ADK: variants seen among roughly 807,000 people sequenced by gnomAD.
ADK encodes the protein N6,N6-dimethyladenosine kinase.
In ADK, 24 loss-of-function variants were observed where a neutral mutation model predicts 44.7. The ratio of observed to expected loss-of-function variants is 0.54; its 90% CI spans 0.39 to 0.76. The LOEUF is 0.76. Among genes scored for constraint, ADK ranks in the 30% least tolerant of loss-of-function variants. The pLI is 0.00. For synonymous variants in ADK, 128 were observed against 142.6 expected, an observed-to-expected ratio of 0.90 and a Z score of 0.73; for missense variants, 321 against 425.1, an observed-to-expected ratio of 0.76 and a Z score of 2.15.
intron 4 of ADK, among the ~76,000 whole-genome samples, chr10:74,392,862 C>T (rs996193528): frequency 1.3e-5 from 2 of 151,920 alleles, no homozygotes; most frequent in African/African-American, 2.4e-5. Context: ...AGGAGTGTTC[C>T]ACAGAGCTTT....
intron 1 of ADK, among the ~76,000 whole-genome samples, chr10:74,168,136 G>T (rs908095703): frequency 6.6e-6 from 1 of 152,170 alleles, no homozygotes; most frequent in Non-Finnish European, 1.5e-5. Flanking sequence ...TCCTTAGAAT[G>T]TAAGTTCTAA....
At chr10:74,177,922 A>ATT (rs1466884182) in intron 1 of ADK, among the ~76,000 whole-genome samples, 15 of 91,262 alleles carry the variant, frequency 1.6e-4, no homozygotes, top group African/African-American at 3.7e-4. Context: ...AAATTGCATA[A>ATT]TTATATATAT....
chr10:74,694,094 A>G (rs779199546), intron 10 of ADK, among the ~76,000 whole-genome samples: 1 of 152,000 alleles, frequency 6.6e-6, no homozygotes, highest in African/African-American at 2.4e-5. Flanking sequence ...CATAAGAAAA[A>G]CAAACAGGAA....
intron 3 of ADK, among the ~76,000 whole-genome samples, chr10:74,252,180 T>G (rs1197674252): frequency 1.3e-5 from 2 of 152,102 alleles, no homozygotes; most frequent in East Asian, 1.9e-4. Context: ...TTGGAATTAT[T>G]TGGGGCCTAG....
chr10:74,224,235 C>T (rs889704076), intron 2 of ADK, among the ~76,000 whole-genome samples: 9 of 152,130 alleles, frequency 5.9e-5, no homozygotes, highest in Admixed American at 5.2e-4. Context: ...AAATACTTAA[C>T]GTTGTAGTTG....
intron 9 of ADK, among the ~76,000 whole-genome samples, chr10:74,646,005 G>C (rs1402208847): frequency 9.9e-5 from 15 of 152,142 alleles, no homozygotes; most frequent in Non-Finnish European, 2.9e-5. Context: ...ACAGAGGATA[G>C]AATGGAAGGC....
At chr10:74,351,916 G>C (rs1841975146) in intron 4 of ADK, among the ~76,000 whole-genome samples, 1 of 152,000 alleles carries the variant, frequency 6.6e-6, no homozygotes, top group African/African-American at 2.4e-5. Flanking sequence ...AAATAAGAGA[G>C]GATGCAAACA....
At chr10:74,573,535 G>A (rs967925802) in intron 7 of ADK, among the ~76,000 whole-genome samples, 9 of 152,204 alleles carry the variant, frequency 5.9e-5, no homozygotes, top group African/African-American at 2.2e-4. Flanking sequence ...TCTCTTCAAA[G>A]CTGTCAGATA....
At chr10:74,337,094 A>G (rs949148109) in intron 4 of ADK, among the ~76,000 whole-genome samples, 5 of 152,202 alleles carry the variant, frequency 3.3e-5, no homozygotes, top group East Asian at 3.8e-4. Flanking sequence ...TTTAACATAC[A>G]TAAGTTTTCC....
rs1017720733 is a variant in ADK at position 74,220,859 on chromosome 10, G to A, written c.141-3679G>A. ...AATTCTCAATAAATTAGGTATTGAT[G>A]GGACATATCTCAAAATAATAAGAGC... On this transcript the variant is annotated intron_variant, in intron 2 of 10. Coordinates refer to ENST00000539909, the MANE Select transcript of ADK (RefSeq NM_006721.4). Among the ~76,000 whole-genome samples the A allele has an allele frequency of 7.0e-4, 107 of 152,090 alleles. No homozygotes were observed. In the Middle Eastern group the frequency reaches 0.01, roughly 15 times the overall value.
chr10:74,519,139 A>G (rs920967500), intron 6 of ADK, among the ~76,000 whole-genome samples: 1 of 152,000 alleles, frequency 6.6e-6, no homozygotes, highest in Non-Finnish European at 1.5e-5. Flanking sequence ...CGTATTAGAC[A>G]TAAAAATTAT....
At chr10:74,524,333 T>C (rs553001890) in intron 6 of ADK, among the ~76,000 whole-genome samples, 1 of 152,380 alleles carries the variant, frequency 6.6e-6, no homozygotes, top group South Asian at 2.1e-4. Context: ...TTGAAAATTC[T>C]AATTCAGAAT....
At chr10:74,319,224 A>G (rs1840731364) in intron 4 of ADK, among the ~76,000 whole-genome samples, 1 of 152,216 alleles carries the variant, frequency 6.6e-6, no homozygotes, top group Non-Finnish European at 1.5e-5. Context: ...ATGATTTTGA[A>G]TAAGTTCAAT....
intron 6 of ADK, among the ~76,000 whole-genome samples, chr10:74,510,746 C>T (rs1848278074): frequency 6.6e-6 from 1 of 152,130 alleles, no homozygotes; most frequent in Non-Finnish European, 1.5e-5. Context: ...CTTGCTGTGT[C>T]ACCCAGGCTG....
chr10:74,598,441 CTTTTTTTTTTTTTT>C (rs915433699), intron 8 of ADK, among the ~76,000 whole-genome samples: 2 of 111,772 alleles, frequency 1.8e-5, no homozygotes, highest in Admixed American at 9.0e-5. Context: ...AATCTTATTC[CTTTTTTTTTTTTTT>C]TTTTTTTTTT....
intron 6 of ADK, among the ~76,000 whole-genome samples, chr10:74,474,402 C>T (rs1460493975): frequency 6.6e-6 from 1 of 152,218 alleles, no homozygotes; most frequent in Non-Finnish European, 1.5e-5. Context: ...CACACCTACT[C>T]TGTATTCGTT....
intron 10 of ADK, among the ~76,000 whole-genome samples, chr10:74,699,018 T>TTA (rs1007896587): frequency 6.6e-6 from 1 of 151,604 alleles, no homozygotes; most frequent in African/African-American, 2.4e-5. Context: ...AGCTAATTTT[T>TTA]TTTTTTTTTT....
At chr10:74,355,095 A>G (rs1372253373) in intron 4 of ADK, among the ~76,000 whole-genome samples, 4 of 152,156 alleles carry the variant, frequency 2.6e-5, no homozygotes, top group African/African-American at 9.7e-5. Context: ...CCAATGTGCT[A>G]GAACTACGGG....
intron 6 of ADK, among the ~76,000 whole-genome samples, chr10:74,510,839 C>G (rs1426312801): frequency 6.6e-6 from 1 of 152,148 alleles, no homozygotes; most frequent in Admixed American, 6.5e-5. Context: ...AGCTGAGTAG[C>G]TGGGACTACA....
Sources: allele counts gnomAD v4.1 joint callset (sites outside exome capture counted in the v4.1 genomes callset), GRCh38; gene constraint gnomAD v4.1.1; transcripts MANE v1.5; gene names NCBI Gene and HGNC (gene_info 2026-07-23, HGNC 2026-07-21).